Variants in GABRA3 observed in about 807,000 individuals in gnomAD.
The protein encoded by GABRA3 is gamma-aminobutyric acid receptor subunit alpha-3.
A neutral mutation model predicts 30.1 loss-of-function variants in GABRA3; 10 were observed. The ratio of observed to expected loss-of-function variants is 0.33; its 90% CI spans 0.20 to 0.56. GABRA3 has a LOEUF of 0.56. Among genes scored for constraint, GABRA3 ranks in the 20% least tolerant of loss-of-function variants. The pLI, the probability that GABRA3 is intolerant of heterozygous loss-of-function variation, is 0.89. For missense variants in GABRA3, 233 were observed against 392.0 expected (o/e 0.59, Z 3.42); for synonymous variants, 151 against 146.8 (o/e 1.03, Z -0.21).
intron 3 of GABRA3, among the ~76,000 whole-genome samples, chrX:152,324,627 A>G (rs970714371): frequency 8.9e-6 from 1 of 112,083 alleles, no homozygotes; most frequent in Non-Finnish European, 1.9e-5. Flanking sequence ...CTAATGGCTA[A>G]TATCAGGCTT....
intron 4 of GABRA3, 130 bp downstream of exon 4, chrX:152,284,538 G>A: frequency 2.4e-6 from 1 of 416,439 alleles, no homozygotes; most frequent in Non-Finnish European, 4.2e-6. Flanking sequence ...AGGGTGGCGA[G>A]GGTAGGAAAT....
chrX:152,289,237 G>C, intron 3 of GABRA3, among the ~76,000 whole-genome samples: 1 of 109,657 alleles, frequency 9.1e-6, no homozygotes, highest in Middle Eastern at 4.7e-3. Context: ...CTTGAAACCA[G>C]TCTCTGTAAG....
At chrX:152,266,552 AT>A (rs1183929070) in intron 4 of GABRA3, among the ~76,000 whole-genome samples, 2 of 111,528 alleles carry the variant, frequency 1.8e-5, no homozygotes, top group Non-Finnish European at 3.8e-5. Flanking sequence ...AATAAAGATA[AT>A]TTTAGATAAG....
chrX:152,217,672 C>A (rs1043223549), intron 6 of GABRA3, among the ~76,000 whole-genome samples: 2 of 110,298 alleles, frequency 1.8e-5, no homozygotes, highest in African/African-American at 6.6e-5. Flanking sequence ...TCAATGAAAA[C>A]TTCTATTTCT....
At chrX:152,228,765 G>A (rs1362652067) in intron 5 of GABRA3, among the ~76,000 whole-genome samples, 1 of 110,789 alleles carries the variant, frequency 9.0e-6, no homozygotes, top group African/African-American at 3.3e-5. Context: ...AAGACACATC[G>A]GAAATTTTGT....
At position 152,275,161 on chromosome X, in the gene GABRA3, T is replaced by C. The variant is rs1408833056; in HGVS notation, c.330+9507A>G. Among the ~76,000 whole-genome samples, 3 of 79,933 alleles carry C rather than the reference T, an allele frequency of 3.8e-5. No homozygotes were observed. The East Asian group carries it at 1.1e-3, about 30-fold the overall frequency. 69.4% of individuals were successfully genotyped at this position (79,933 alleles called of 115,157 possible). On this transcript the variant is annotated intron_variant, in intron 4 of 9. Transcript: ENST00000370314. ...AATATAATATATATATTTAATATTA[T>C]ATATATAATTTATATATATTTAATA...
chrX:152,234,324 T>C (rs185311032), intron 5 of GABRA3, among the ~76,000 whole-genome samples: 1 of 111,514 alleles, frequency 9.0e-6, no homozygotes, highest in Admixed American at 9.5e-5. Flanking sequence ...GTTATTTTTG[T>C]TTTCCTTGCT....
At position 152,364,459 on chromosome X, in the gene GABRA3, C is replaced by A; in HGVS notation, c.112G>T (p.Gly38Trp). 2 of 1,209,042 alleles carry A rather than the reference C, an allele frequency of 1.7e-6. No individual in the cohort carries two copies. Among genetic ancestry groups the A allele is most frequent in the Non-Finnish European group, 2.2e-6 (2 of 893,898 alleles). ...GQGESRRQEP[G>W]DFVKQDIGGL... Reference sequence around the variant, plus strand: ...CCAATGTCCTGCTTCACAAAGTCCCCGGGTTCTTGTCGTCTTGATTCCCCT... The same window carrying A: ...CCAATGTCCTGCTTCACAAAGTCCCAGGGTTCTTGTCGTCTTGATTCCCCT... The change falls in exon 2 of 10, where the codon GGG becomes TGG. Residue 38 changes from glycine to tryptophan, a missense_variant. Physicochemically the swap from Gly to Trp is radical, Grantham distance 184. Transcript: ENST00000370314.
At chrX:152,370,267 A>G (rs1207134928) in intron 1 of GABRA3, among the ~76,000 whole-genome samples, 2 of 111,822 alleles carry the variant, frequency 1.8e-5, no homozygotes, top group Non-Finnish European at 3.8e-5. Context: ...ACCACCAGAT[A>G]CTGACATTAT....
At chrX:152,364,093 A>G (rs975400141) in intron 2 of GABRA3, among the ~76,000 whole-genome samples, 1 of 111,495 alleles carries the variant, frequency 9.0e-6, no homozygotes, top group Non-Finnish European at 1.9e-5. Context: ...ATTCCTAAAC[A>G]TTATCATGTT....
chrX:152,198,376 C>T (rs964775671), intron 7 of GABRA3, among the ~76,000 whole-genome samples: 3 of 112,506 alleles, frequency 2.7e-5, no homozygotes, highest in Admixed American at 1.9e-4. Flanking sequence ...GACTGACCTA[C>T]GTTATCCCAC....
chrX:152,289,686 G>A (rs1939366384), intron 3 of GABRA3, among the ~76,000 whole-genome samples: 1 of 108,907 alleles, frequency 9.2e-6, no homozygotes, highest in Non-Finnish European at 1.9e-5. Flanking sequence ...CCCACGACAG[G>A]CCCTGGGATG....
intron 7 of GABRA3, among the ~76,000 whole-genome samples, chrX:152,204,256 A>G (rs954729567): frequency 8.9e-6 from 1 of 111,772 alleles, no homozygotes; most frequent in Non-Finnish European, 1.9e-5. Flanking sequence ...CAGAAGTAAA[A>G]CATAAGTGGT....
At chrX:152,429,451 A>G (rs1268484660) in intron 1 of GABRA3, among the ~76,000 whole-genome samples, 7 of 110,910 alleles carry the variant, frequency 6.3e-5, no homozygotes, top group Non-Finnish European at 1.1e-4. Context: ...GCTTAAAACT[A>G]TTCAAAGGCT....
intron 8 of GABRA3, among the ~76,000 whole-genome samples, chrX:152,195,281 A>G (rs73639074): frequency 0.21 from 23,777 of 111,295 alleles, 1,870 homozygotes; most frequent in Admixed American, 0.27. Flanking sequence ...CAGGCCAAAA[A>G]AAACATGCTT....
chrX:152,377,595 A>G (rs1255546198), intron 1 of GABRA3, among the ~76,000 whole-genome samples: 2 of 110,975 alleles, frequency 1.8e-5, no homozygotes, highest in Non-Finnish European at 3.8e-5. Flanking sequence ...GCCATTACTC[A>G]ATGTCTTTAT....
chrX:152,372,962 T>C (rs1327534221), intron 1 of GABRA3, among the ~76,000 whole-genome samples: 4 of 111,731 alleles, frequency 3.6e-5, no homozygotes, highest in Admixed American at 1.9e-4. Flanking sequence ...ATCTCTCATC[T>C]ATGCATGTGC....
intron 1 of GABRA3, among the ~76,000 whole-genome samples, chrX:152,399,026 T>C (rs1929729561): frequency 9.0e-6 from 1 of 111,365 alleles, no homozygotes; most frequent in Non-Finnish European, 1.9e-5. Context: ...GGAGAACTAA[T>C]TTCTGGTCAG....
intron 3 of GABRA3, among the ~76,000 whole-genome samples, chrX:152,300,981 TTC>T (rs1675799226): frequency 8.9e-6 from 1 of 111,917 alleles, no homozygotes; most frequent in African/African-American, 3.2e-5. Flanking sequence ...GCTCAGAAAC[TTC>T]CAAAATCTGA....
Sources: allele counts gnomAD v4.1 joint callset (sites outside exome capture counted in the v4.1 genomes callset), GRCh38; gene constraint gnomAD v4.1.1; transcripts MANE v1.5; gene names NCBI Gene and HGNC (gene_info 2026-07-23, HGNC 2026-07-21).